Variants in BTC observed in about 807,000 individuals in gnomAD.
BTC encodes betacellulin.
BTC carries 13 observed loss-of-function variants against 18.1 expected under a neutral mutation model. The ratio of observed to expected loss-of-function variants is 0.72; its 90% CI spans 0.47 to 1.14. The LOEUF (loss-of-function observed/expected upper bound fraction) is 1.14, where lower values mean the gene tolerates loss of function less well. Ranked by LOEUF, BTC falls within the 50% of genes most tolerant of loss-of-function variation. The pLI is 0.00. For synonymous variants in BTC, 83 were observed against 79.4 expected, an observed-to-expected ratio of 1.05 and a Z score of -0.24; for missense variants, 247 against 224.2, an observed-to-expected ratio of 1.10 and a Z score of -0.65.
intron 2 of BTC, among the ~76,000 whole-genome samples, chr4:74,763,696 A>T (rs531150125): frequency 6.6e-6 from 1 of 152,242 alleles, no homozygotes; most frequent in Admixed American, 6.5e-5. Flanking sequence ...CTTTTCACGG[A>T]TGCTGAGGAG....
intron 3 of BTC, among the ~76,000 whole-genome samples, chr4:74,751,311 T>G (rs1178614151): frequency 2.0e-5 from 3 of 152,158 alleles, no homozygotes; most frequent in Non-Finnish European, 2.9e-5. Flanking sequence ...CTAGTTCTAC[T>G]GCTTGAGGGC....
At chr4:74,762,590 TGAAG>T (rs1724789970) in intron 2 of BTC, among the ~76,000 whole-genome samples, 1 of 151,576 alleles carries the variant, frequency 6.6e-6, no homozygotes, top group East Asian at 1.9e-4. Flanking sequence ...AAAGGAGGGC[TGAAG>T]GAAGGAAGGA....
intron 1 of BTC, among the ~76,000 whole-genome samples, chr4:74,772,943 C>T (rs977477942): frequency 2.0e-5 from 3 of 152,204 alleles, no homozygotes; most frequent in South Asian, 2.1e-4. Context: ...AGGCTCCTTC[C>T]GCTAAGCTTT....
chr4:74,755,917 G>A lies in BTC; in HGVS notation c.223C>T (p.His75Tyr). 6.2e-7 allele frequency: 1 copy of A among 1,614,156 alleles called. No individual in the cohort carries two copies. Among genetic ancestry groups the A allele is most frequent in the Non-Finnish European group, 8.5e-7 (1 of 1,180,032 alleles). Residue 75 changes from histidine (H) to tyrosine (Y), a missense_variant, in exon 3 of 6, where the codon CAT (histidine) becomes TAT (tyrosine). Physicochemically the swap from His to Tyr is moderately conservative, Grantham distance 83. Coordinates refer to ENST00000395743, the MANE Select transcript of BTC (RefSeq NM_001729.4). ...CGGCATCTCCCTTTGATGCAGTAATGCTTGTATTGCTTGGGGCACCTAGAG... is the reference window on the plus strand; with the variant it reads ...CGGCATCTCCCTTTGATGCAGTAATACTTGTATTGCTTGGGGCACCTAGAG... Reference protein sequence around the residue: ...HFSRCPKQYKHYCIKGRCRFV... With the variant: ...HFSRCPKQYKYYCIKGRCRFV...
intron 3 of BTC, among the ~76,000 whole-genome samples, chr4:74,752,035 A>C (rs1489000941): frequency 6.6e-6 from 1 of 152,320 alleles, no homozygotes; most frequent in African/African-American, 2.4e-5. Context: ...TATGCTTGAC[A>C]AAAGCCAAGG....
Position 74,755,924 on chromosome 4 carries a change from T to A in BTC, c.216A>T (p.Gln72His). 6.2e-7 allele frequency: 1 copy of A among 1,614,162 alleles called. No homozygotes were observed. The highest frequency in any genetic ancestry group is 1.1e-5 in the South Asian group (1 of 91,088). ...TCCCTTTGATGCAGTAATGCTTGTA[T>A]TGCTTGGGGCACCTAGAGAAGTGGC... is the stretch of plus-strand genomic sequence containing the variant. ...RKGHFSRCPK[Q>H]YKHYCIKGRC... Residue 72 changes from glutamine to histidine, a missense_variant, in exon 3 of 6, where the codon CAA (glutamine) becomes CAT (histidine). By Grantham distance (24) the Gln-to-His change is conservative (BLOSUM62 0). Transcript: ENST00000395743.
chr4:74,753,087 T>C (rs1488989579), intron 3 of BTC, among the ~76,000 whole-genome samples: 2 of 152,228 alleles, frequency 1.3e-5, no homozygotes, highest in Non-Finnish European at 2.9e-5. Flanking sequence ...ATCTCTCATG[T>C]AGGAGAAGAA....
In BTC at chr4:74,748,160, A is replaced by C. The variant is rs1560707214; in HGVS notation, c.429-11T>G. The stretch of plus-strand genomic sequence containing the variant: ...CGTTTCCGAAGAGGGCTTGGAAAAT[A>C]CGTGTTAGAAGTTAGTATGGGCCTA... On this transcript the variant is annotated splice_polypyrimidine_tract_variant and intron_variant, in intron 4 of 5. Transcript: ENST00000395743. 1 of 1,554,188 alleles carries C rather than the reference A, an allele frequency of 6.4e-7. No homozygotes were observed. Among genetic ancestry groups the C allele is most frequent in the Admixed American group, 1.7e-5 (1 of 59,504 alleles).
At chr4:74,781,747 C>G (rs1369096024) in intron 1 of BTC, among the ~76,000 whole-genome samples, 1 of 151,596 alleles carries the variant, frequency 6.6e-6, no homozygotes, top group East Asian at 1.9e-4. Context: ...ATTTATTATC[C>G]TAACCTTTTT....
chr4:74,748,766 G>A (rs1054453548), intron 4 of BTC, among the ~76,000 whole-genome samples: 3 of 152,128 alleles, frequency 2.0e-5, no homozygotes, highest in Non-Finnish European at 4.4e-5. Flanking sequence ...AGTACAAATT[G>A]GAAACAGGCA....
intron 1 of BTC, among the ~76,000 whole-genome samples, chr4:74,789,290 G>C (rs559058187): frequency 6.6e-6 from 1 of 152,122 alleles, no homozygotes; most frequent in African/African-American, 2.4e-5. Context: ...TATTATGGCA[G>C]TTTCCTTTGA....
intron 4 of BTC, among the ~76,000 whole-genome samples, chr4:74,749,483 A>AAATAAATAACT (rs1553955858): frequency 2.1e-5 from 3 of 143,666 alleles, no homozygotes; most frequent in Non-Finnish European, 3.0e-5. Context: ...ACTCTGTCTC[A>AAATAAATAACT]AAATAAATAA....
chr4:74,756,520 C>T (rs578008030), intron 2 of BTC, among the ~76,000 whole-genome samples: 2 of 152,310 alleles, frequency 1.3e-5, no homozygotes, highest in South Asian at 4.1e-4. Flanking sequence ...GGCTAAGTCA[C>T]CTTCCAAGAT....
At chr4:74,753,052 GC>G (rs2109881142) in intron 3 of BTC, among the ~76,000 whole-genome samples, 1 of 152,280 alleles carries the variant, frequency 6.6e-6, no homozygotes, top group East Asian at 1.9e-4. Context: ...TAACATATCA[GC>G]TGGTGTTTAT....
intron 1 of BTC, among the ~76,000 whole-genome samples, chr4:74,793,115 T>C (rs1455612955): frequency 6.6e-6 from 1 of 152,258 alleles, no homozygotes; most frequent in Non-Finnish European, 1.5e-5. Flanking sequence ...TTTCTAGGGT[T>C]AAGTCTCAAC....
chr4:74,758,662 A>G (rs979937889), intron 2 of BTC, among the ~76,000 whole-genome samples: 3 of 152,158 alleles, frequency 2.0e-5, no homozygotes, highest in Non-Finnish European at 4.4e-5. Context: ...AGAGTGTGAT[A>G]CCAAAAAGCA....
At chr4:74,756,037 A>G in intron 2 of BTC, 61 bp from the exon 3 acceptor site, 2 of 1,335,160 alleles carry the variant, frequency 1.5e-6, no homozygotes, top group Non-Finnish European at 2.2e-6. Flanking sequence ...TGTAAATAGA[A>G]TCATATTCTT....
At chr4:74,759,019 T>C (rs1308913024) in intron 2 of BTC, among the ~76,000 whole-genome samples, 1 of 152,004 alleles carries the variant, frequency 6.6e-6, no homozygotes, top group South Asian at 2.1e-4. Flanking sequence ...CTTGTGAAAA[T>C]GAGAAAGCTT....
intron 1 of BTC, among the ~76,000 whole-genome samples, chr4:74,772,491 A>G (rs1725068637): frequency 6.6e-6 from 1 of 152,196 alleles, no homozygotes; most frequent in African/African-American, 2.4e-5. Context: ...GAGTGAATCA[A>G]TCTATAAACG....
Sources: allele counts gnomAD v4.1 joint callset (sites outside exome capture counted in the v4.1 genomes callset), GRCh38; gene constraint gnomAD v4.1.1; transcripts MANE v1.5; gene names NCBI Gene and HGNC (gene_info 2026-07-23, HGNC 2026-07-21).